Variants in PTPRD observed in about 807,000 individuals in gnomAD.
PTPRD encodes the protein receptor-type tyrosine-protein phosphatase delta.
PTPRD carries 34 observed loss-of-function variants against 214.5 expected under a neutral mutation model. The ratio of observed to expected loss-of-function variants is 0.16; its 90% CI spans 0.12 to 0.21. PTPRD has a LOEUF of 0.21. PTPRD is among the 10% of genes least tolerant of loss of function. The pLI, the probability that PTPRD is intolerant of heterozygous loss-of-function variation, is 1.00. For missense variants in PTPRD, 2,545 were observed against 2,398.7 expected (o/e 1.06, Z -1.27); for synonymous variants, 1,128 against 845.7 (o/e 1.33, Z -5.79).
chr9:10,334,377 C>T (rs955015116), intron 3 of PTPRD, among the ~76,000 whole-genome samples: 9 of 151,536 alleles, frequency 5.9e-5, no homozygotes, highest in Non-Finnish European at 1.3e-4. Flanking sequence ...TCTCAGTAAA[C>T]GAGGAATAGA....
intron 8 of PTPRD, among the ~76,000 whole-genome samples, chr9:9,563,940 C>A (rs2083618967): frequency 6.6e-6 from 1 of 152,080 alleles, no homozygotes; most frequent in Non-Finnish European, 1.5e-5. Flanking sequence ...GCTCTCAAAC[C>A]AAATGGGCAT....
intron 35 of PTPRD, among the ~76,000 whole-genome samples, chr9:8,433,703 T>C (rs2095208360): frequency 6.6e-6 from 1 of 152,184 alleles, no homozygotes; most frequent in Non-Finnish European, 1.5e-5. Context: ...AGCTGTACAG[T>C]GTGCTTGTGT....
intron 8 of PTPRD, among the ~76,000 whole-genome samples, chr9:9,502,807 CA>C (rs2096461582): frequency 6.6e-6 from 1 of 151,792 alleles, no homozygotes; most frequent in Admixed American, 6.6e-5. Flanking sequence ...TATGTTGAAG[CA>C]AAGAAGCTAC....
chr9:8,811,652 T>C (rs1353301506), intron 11 of PTPRD, among the ~76,000 whole-genome samples: 2 of 152,232 alleles, frequency 1.3e-5, no homozygotes, highest in East Asian at 1.9e-4. Flanking sequence ...TGAAAGGCTA[T>C]ACTGCCTCAA....
intron 11 of PTPRD, among the ~76,000 whole-genome samples, chr9:8,929,719 G>GTA (rs753838766): frequency 1.2e-4 from 10 of 84,184 alleles, no homozygotes; most frequent in Non-Finnish European, 1.9e-4. Flanking sequence ...ATATATATGT[G>GTA]TATATATATA....
chr9:9,948,751 T>C (rs1207817064), intron 4 of PTPRD, among the ~76,000 whole-genome samples: 1 of 151,980 alleles, frequency 6.6e-6, no homozygotes, highest in Non-Finnish European at 1.5e-5. Flanking sequence ...AGAAAGGAGA[T>C]TTATTAGCCT....
intron 5 of PTPRD, among the ~76,000 whole-genome samples, chr9:9,918,354 A>G (rs1312524251): frequency 1.1e-5 from 1 of 87,648 alleles, no homozygotes; most frequent in African/African-American, 4.9e-5. Context: ...AAAGAGGTAA[A>G]AAAAAAAAAA....
chr9:8,719,660 C>T (rs146979689), intron 12 of PTPRD, among the ~76,000 whole-genome samples: 1 of 152,004 alleles, frequency 6.6e-6, no homozygotes, highest in Non-Finnish European at 1.5e-5. Context: ...TGGCTACTTT[C>T]TTGTTACAGT....
intron 9 of PTPRD, among the ~76,000 whole-genome samples, chr9:9,189,966 C>T (rs866913975): frequency 1.3e-5 from 2 of 152,064 alleles, no homozygotes. Flanking sequence ...ACTTTAATAG[C>T]CAGTGATAAT....
chr9:10,235,884 G>A (rs1213430127), intron 3 of PTPRD, among the ~76,000 whole-genome samples: 4 of 151,984 alleles, frequency 2.6e-5, no homozygotes, highest in African/African-American at 9.7e-5. Flanking sequence ...TCTTCTTTGT[G>A]TGAGACATAA....
chr9:9,177,970 G>T (rs981290751), intron 10 of PTPRD, among the ~76,000 whole-genome samples: 2 of 152,086 alleles, frequency 1.3e-5, no homozygotes, highest in Non-Finnish European at 2.9e-5. Flanking sequence ...TTATCGATGT[G>T]CTGGGAAAGA....
At chr9:9,032,258 C>T (rs549728733) in intron 10 of PTPRD, among the ~76,000 whole-genome samples, 3 of 151,934 alleles carry the variant, frequency 2.0e-5, no homozygotes, top group East Asian at 1.9e-4. Context: ...CTTTTTGAAA[C>T]GAGGATTGCA....
At chr9:8,918,569 G>T (rs2098803530) in intron 11 of PTPRD, among the ~76,000 whole-genome samples, 1 of 152,140 alleles carries the variant, frequency 6.6e-6, no homozygotes, top group South Asian at 2.1e-4. Flanking sequence ...GTGTGTATGT[G>T]CGTGTGTGTG....
At chr9:10,069,693 A>G (rs2097957973) in intron 3 of PTPRD, among the ~76,000 whole-genome samples, 2 of 152,030 alleles carry the variant, frequency 1.3e-5, no homozygotes, top group South Asian at 4.1e-4. Context: ...AAAAAGAAGT[A>G]GTGCATATGA....
In PTPRD at chr9:10,289,745, A is replaced by G. The variant is rs1434538324; in HGVS notation, c.-545+51218T>C. Among the ~76,000 whole-genome samples, 4 of 152,280 alleles carry G rather than the reference A, an allele frequency of 2.6e-5. No individual in the cohort carries two copies. The East Asian group carries it at 7.7e-4, about 29-fold the overall frequency. ...ATTTGGCACTAAACATTTATTCAACATGTATTTTAAAGTACTTGTTATGCA... is the reference window on the plus strand; with the variant it reads ...ATTTGGCACTAAACATTTATTCAACGTGTATTTTAAAGTACTTGTTATGCA... On this transcript the variant is annotated intron_variant, in intron 3 of 45. Coordinates refer to ENST00000381196, the MANE Select transcript of PTPRD (RefSeq NM_002839.4).
chr9:10,012,459 C>T (rs1399443057), intron 4 of PTPRD, among the ~76,000 whole-genome samples: 1 of 151,872 alleles, frequency 6.6e-6, no homozygotes, highest in African/African-American at 2.4e-5. Context: ...TAAGCAATTC[C>T]CATCTCAAAA....
At chr9:8,517,756 T>C in intron 21 of PTPRD, 92 bp downstream of exon 21, 3 of 1,107,264 alleles carry the variant, frequency 2.7e-6, no homozygotes, top group South Asian at 1.6e-5. Flanking sequence ...TTAAAATTCA[T>C]ACCATCTTTG....
intron 4 of PTPRD, among the ~76,000 whole-genome samples, chr9:10,006,891 T>C (rs924336874): frequency 6.6e-6 from 1 of 151,992 alleles, no homozygotes; most frequent in Admixed American, 6.6e-5. Flanking sequence ...ACATTTTACA[T>C]TTTGACTTTC....
intron 11 of PTPRD, among the ~76,000 whole-genome samples, chr9:8,866,574 T>G (rs1245824325): frequency 6.6e-6 from 1 of 152,168 alleles, no homozygotes. Context: ...AGTGCAAATG[T>G]TCTACCAGCA....
Sources: allele counts gnomAD v4.1 joint callset (sites outside exome capture counted in the v4.1 genomes callset), GRCh38; gene constraint gnomAD v4.1.1; transcripts MANE v1.5; gene names NCBI Gene and HGNC (gene_info 2026-07-23, HGNC 2026-07-21).